WDR1: variants seen among roughly 807,000 people sequenced by gnomAD.
WDR1 encodes WD repeat domain 1.
In WDR1, 21 loss-of-function variants were observed where a neutral mutation model predicts 71.9. The observed-to-expected ratio is 0.29, with a 90% CI of 0.21 to 0.42. The LOEUF (loss-of-function observed/expected upper bound fraction) is 0.42, where lower values mean the gene tolerates loss of function less well. Among genes scored for constraint, WDR1 ranks in the 10% least tolerant of loss-of-function variants. The pLI, the probability that WDR1 is intolerant of heterozygous loss-of-function variation, is 1.00. For missense variants in WDR1, 696 were observed against 824.5 expected, an observed-to-expected ratio of 0.84 and a Z score of 1.91; for synonymous variants, 424 against 347.4, an observed-to-expected ratio of 1.22 and a Z score of -2.45.
At chr4:10,080,277 C>T (rs957927126) in intron 11 of WDR1, among the ~76,000 whole-genome samples, 2 of 152,218 alleles carry the variant, frequency 1.3e-5, no homozygotes, top group Non-Finnish European at 2.9e-5. Context: ...GGCACGCTGC[C>T]CTAGGCCTCA....
intron 3 of WDR1, among the ~76,000 whole-genome samples, chr4:10,103,408 C>G (rs899649485): frequency 1.3e-5 from 2 of 152,114 alleles, no homozygotes; most frequent in Non-Finnish European, 2.9e-5. Context: ...CTGCTGACCT[C>G]CAAGCTGGAA....
chr4:10,102,620 G>T (rs1712743955), intron 3 of WDR1, among the ~76,000 whole-genome samples: 1 of 152,186 alleles, frequency 6.6e-6, no homozygotes, highest in Non-Finnish European at 1.5e-5. Context: ...ATACATTTGT[G>T]TTAGTCGTAA....
rs1389652614 is a variant in WDR1, at chr4:10,088,386, A to G, written c.637-13T>C. ...CATAGATGTATATCTTCCAAGAAATAAAAACATGTGGGTCATGTGTGTGTG... is the reference window on the plus strand; with the variant it reads ...CATAGATGTATATCTTCCAAGAAATGAAAACATGTGGGTCATGTGTGTGTG... On this transcript the variant is annotated splice_polypyrimidine_tract_variant and intron_variant, in intron 6 of 14. Coordinates refer to ENST00000499869, the MANE Select transcript of WDR1 (RefSeq NM_017491.5). 4 of 1,553,116 alleles carry G rather than the reference A, an allele frequency of 2.6e-6. No individual in the cohort carries two copies. Among genetic ancestry groups the G allele is most frequent in the Non-Finnish European group, 3.5e-6 (4 of 1,147,662 alleles).
chr4:10,098,845 C>T (rs1217511851), intron 4 of WDR1, 147 bp downstream of exon 4: 4 of 1,151,398 alleles, frequency 3.5e-6, no homozygotes, highest in African/African-American at 1.5e-5. Context: ...TGCAGCCAGC[C>T]CTCACGGGGC....
In WDR1 at chr4:10,116,648, T is replaced by C; in HGVS notation, c.16+3A>G. ...CTCGGGGGCCCCGCGCCGCGGCACT[T>C]ACTGATCTCGTACGGCATCCTCGCC... On this transcript the variant is annotated splice_donor_region_variant and intron_variant, in intron 1 of 14. Coordinates refer to ENST00000499869, the MANE Select transcript of WDR1 (RefSeq NM_017491.5). The C allele has an allele frequency of 7.6e-7, 1 of 1,321,438 alleles. No individual in the cohort carries two copies. Among genetic ancestry groups the C allele is most frequent in the Non-Finnish European group, 9.7e-7 (1 of 1,028,412 alleles). The allele number at this position is 1,321,438 out of a possible 1,614,324, so 81.9% of individuals were successfully genotyped here.
chr4:10,099,188 A>AG (rs1560540554), intron 3 of WDR1, 49 bp from the exon 4 acceptor site: 100 of 414,666 alleles, frequency 2.4e-4, no homozygotes, highest in Middle Eastern at 8.7e-4. Flanking sequence ...GGTGGGGTAA[A>AG]GGGCAGGGGG....
Position 10,077,937 on chromosome 4 carries a change from G to C in WDR1, c.1396-11C>G. 1 of 1,594,780 alleles carries C rather than the reference G, an allele frequency of 6.3e-7. No homozygotes were observed. Among genetic ancestry groups the C allele is most frequent in the South Asian group, 1.1e-5 (1 of 88,950 alleles). On this transcript the variant is annotated splice_polypyrimidine_tract_variant and intron_variant, in intron 12 of 14. Transcript: ENST00000499869. ...GCGGACGTTGCCGTCCTACGGCAGG[G>C]ACAGAGAGGAAGTGAGCCACCCCTG...
At chr4:10,106,791 T>C (rs1453987165) in intron 2 of WDR1, among the ~76,000 whole-genome samples, 1 of 152,092 alleles carries the variant, frequency 6.6e-6, no homozygotes, top group Non-Finnish European at 1.5e-5. Flanking sequence ...AAACTGCAGA[T>C]AATGACTTAC....
chr4:10,093,344 C>T (rs1285451032), intron 5 of WDR1, among the ~76,000 whole-genome samples: 1 of 152,246 alleles, frequency 6.6e-6, no homozygotes, highest in Non-Finnish European at 1.5e-5. Flanking sequence ...ACAAGCCCAG[C>T]ACGGGCCTCC....
rs367851603 is a variant in WDR1 at position 10,081,453 on chromosome 4, G to C, written c.1197-9C>G. The C allele has an allele frequency of 1.9e-6, 3 of 1,613,236 alleles. No individual in the cohort carries two copies. The highest frequency in any genetic ancestry group is 2.5e-6 in the Non-Finnish European group (3 of 1,179,418). Reference sequence around the variant, plus strand: ...TCACAACTCCTTGTCCGCTGTTAGAGAGAAAGGAAGCACATTACTTCGACA... The same window carrying C: ...TCACAACTCCTTGTCCGCTGTTAGACAGAAAGGAAGCACATTACTTCGACA... On this transcript the variant is annotated splice_polypyrimidine_tract_variant and intron_variant, in intron 10 of 14. Transcript: ENST00000499869.
At chr4:10,101,417 T>C (rs967523420) in intron 3 of WDR1, among the ~76,000 whole-genome samples, 2 of 152,134 alleles carry the variant, frequency 1.3e-5, no homozygotes, top group Non-Finnish European at 2.9e-5. Context: ...TACCACACTA[T>C]TTTTAGCCCC....
At chr4:10,091,971 C>T (rs3796824) in intron 5 of WDR1, 1 of 152,322 alleles carries the variant, frequency 6.6e-6, no homozygotes, top group Non-Finnish European at 1.5e-5. Flanking sequence ...CACCACTACT[C>T]CTTCCAGATG....
In WDR1 at chr4:10,097,750, G is replaced by A; in HGVS notation, c.519C>T (p.Phe173=). The A allele has an allele frequency of 1.2e-6, 2 of 1,611,476 alleles. No individual in the cohort carries two copies. The highest frequency in any genetic ancestry group is 1.7e-6 in the Non-Finnish European group (2 of 1,178,794). Residue 173 remains phenylalanine, a synonymous_variant, in exon 5 of 15, where the codon TTC becomes TTT. Coordinates refer to ENST00000499869, the MANE Select transcript of WDR1 (RefSeq NM_017491.5). ...ATGSDDNCAA[F]FEGPPFKFKF... The stretch of plus-strand genomic sequence containing the variant: ...TGAACTTGAATGGGGGTCCCTCAAA[G>A]AATGCCGCGCAGTTATCATCGCTTC...
intron 12 of WDR1, chr4:10,078,621 C>T (rs1764888071): frequency 8.9e-6 from 3 of 338,208 alleles, no homozygotes; most frequent in Non-Finnish European, 1.6e-5. Context: ...CCCTCCTCGG[C>T]ACTCCCTCTA....
At chr4:10,079,351 A>G (rs1204764250) in intron 11 of WDR1, among the ~76,000 whole-genome samples, 1 of 152,238 alleles carries the variant, frequency 6.6e-6, no homozygotes, top group Non-Finnish European at 1.5e-5. Flanking sequence ...AGTAAACAAA[A>G]ACAGCGACAG....
chr4:10,105,541 G>A (rs902996055), intron 2 of WDR1, among the ~76,000 whole-genome samples: 1 of 152,142 alleles, frequency 6.6e-6, no homozygotes, highest in South Asian at 2.1e-4. Context: ...CATTAGTCTT[G>A]GGAAATGCAA....
chr4:10,088,182 T>C, intron 7 of WDR1, 111 bp downstream of exon 7: 1 of 1,117,540 alleles, frequency 8.9e-7, no homozygotes, highest in Admixed American at 2.0e-5. Flanking sequence ...CGCCCCGACT[T>C]ATAGCCCCTC....
Position 10,103,927 on chromosome 4 carries a change from A to G in WDR1, c.198T>C (p.Tyr66=), listed in dbSNP as rs765827671. The part of the protein sequence containing the change: ...EHAHQVVVAK[Y]APSGFYIASG... Reference sequence around the variant, plus strand: ...AGGCAATGTAGAATCCGCTGGGCGCATACTTGGCCACCACCACCTGATGGG... The same window carrying G: ...AGGCAATGTAGAATCCGCTGGGCGCGTACTTGGCCACCACCACCTGATGGG... Residue 66 remains tyrosine (Y), a synonymous_variant, in exon 3 of 15, where the codon TAT becomes TAC. Coordinates refer to ENST00000499869, the MANE Select transcript of WDR1 (RefSeq NM_017491.5). The G allele has an allele frequency of 4.4e-6, 7 of 1,600,070 alleles. No individual in the cohort carries two copies. The highest frequency in any genetic ancestry group is 3.4e-5 in the Admixed American group (2 of 58,202).
chr4:10,083,617 C>T (rs1442025351), intron 9 of WDR1: 2 of 485,710 alleles, frequency 4.1e-6, no homozygotes, highest in Admixed American at 4.3e-5. Flanking sequence ...CGGACCAGAG[C>T]TGTCCACACA....
Sources: gnomAD v4.1 joint callset for allele counts (sites outside exome capture counted in the v4.1 genomes callset) on GRCh38, gnomAD v4.1.1 for gene constraint, MANE v1.5 for transcripts, NCBI Gene and HGNC (gene_info 2026-07-23, HGNC 2026-07-21) for gene names.